Variants in DLG2 observed in about 807,000 individuals in gnomAD.
DLG2 encodes discs large MAGUK scaffold protein 2, also known as disks large homolog 2.
DLG2 carries 45 observed loss-of-function variants against 132.5 expected under a neutral mutation model. The observed-to-expected ratio is 0.34, with a 90% CI of 0.27 to 0.44. DLG2 has a LOEUF of 0.44. DLG2 is among the 20% of genes least tolerant of loss of function. The pLI is 1.00. For missense variants in DLG2, 1,045 were observed against 1,196.9 expected (o/e 0.87, Z 1.87); for synonymous variants, 424 against 419.6 (o/e 1.01, Z -0.13).
At chr11:84,884,984 C>G (rs1325876374) in intron 6 of DLG2, among the ~76,000 whole-genome samples, 1 of 152,004 alleles carries the variant, frequency 6.6e-6, no homozygotes, top group Non-Finnish European at 1.5e-5. Flanking sequence ...ATTGTCTGAT[C>G]CTGACATCTA....
At chr11:83,836,447 GCTCT>G (rs60486962) in intron 16 of DLG2, among the ~76,000 whole-genome samples, 2,636 of 152,064 alleles carry the variant, frequency 0.017, 81 homozygotes, top group African/African-American at 0.061. Flanking sequence ...TCACCCCATG[GCTCT>G]CTCTATCTTC....
intron 7 of DLG2, among the ~76,000 whole-genome samples, chr11:84,406,454 A>G (rs1263324032): frequency 6.6e-6 from 1 of 152,094 alleles, no homozygotes; most frequent in Non-Finnish European, 1.5e-5. Context: ...AAGTACCTGC[A>G]AGTACAGGTG....
chr11:83,494,119 G>A (rs746111805), intron 21 of DLG2, among the ~76,000 whole-genome samples: 6 of 151,852 alleles, frequency 4.0e-5, no homozygotes, highest in African/African-American at 4.8e-5. Flanking sequence ...CCACCTGGCC[G>A]CTGTGGATTA....
chr11:85,526,236 A>G lies in DLG2; in HGVS notation c.40+72421T>C, dbSNP rs1280848901. On this transcript the variant is annotated intron_variant, in intron 3 of 27. Coordinates refer to ENST00000376104, the MANE Select transcript of DLG2 (RefSeq NM_001142699.3). ...TGAAGTATCATGAAGAAAACTATAC[A>G]GAGCACTTCATAATTAAATTGCTTA... Among the ~76,000 whole-genome samples the G allele has an allele frequency of 4.6e-5, 7 of 152,264 alleles. No individual in the cohort carries two copies. The East Asian group carries it at 1.2e-3, about 25-fold the overall frequency.
chr11:85,614,582 G>C (rs1157665558), intron 2 of DLG2, among the ~76,000 whole-genome samples: 1 of 152,226 alleles, frequency 6.6e-6, no homozygotes, highest in Non-Finnish European at 1.5e-5. Context: ...AGAGGTTGCA[G>C]TAAGCCAAAA....
intron 6 of DLG2, among the ~76,000 whole-genome samples, chr11:84,807,308 T>A (rs1373887953): frequency 6.6e-6 from 1 of 152,066 alleles, no homozygotes; most frequent in East Asian, 1.9e-4. Flanking sequence ...TAGTCAGGCA[T>A]GGTGGTGGGT....
chr11:85,129,434 A>C (rs1253156841), intron 5 of DLG2, among the ~76,000 whole-genome samples: 3 of 152,192 alleles, frequency 2.0e-5, no homozygotes, highest in Non-Finnish European at 4.4e-5. Flanking sequence ...ATCCACAATC[A>C]TTTCCTTCCC....
At chr11:85,450,496 ATCT>A (rs2092199457) in intron 3 of DLG2, among the ~76,000 whole-genome samples, 1 of 152,134 alleles carries the variant, frequency 6.6e-6, no homozygotes, top group Non-Finnish European at 1.5e-5. Context: ...TTTCCAACTC[ATCT>A]TCTTTTTTGG....
At chr11:84,492,455 A>C (rs1430613504) in intron 7 of DLG2, among the ~76,000 whole-genome samples, 1 of 152,166 alleles carries the variant, frequency 6.6e-6, no homozygotes, top group Non-Finnish European at 1.5e-5. Context: ...AAAGTAGCAC[A>C]ATTAAGGACT....
intron 19 of DLG2, among the ~76,000 whole-genome samples, chr11:83,580,012 G>T (rs936115387): frequency 1.3e-5 from 2 of 151,758 alleles, no homozygotes; most frequent in Non-Finnish European, 2.9e-5. Flanking sequence ...AATAAATTTG[G>T]TCAGTATGTG....
chr11:83,463,493 C>T (rs2090437949), intron 26 of DLG2, among the ~76,000 whole-genome samples: 1 of 152,134 alleles, frequency 6.6e-6, no homozygotes, highest in Admixed American at 6.5e-5. Flanking sequence ...CTCCAGATGT[C>T]AAGAAATCAT....
intron 3 of DLG2, among the ~76,000 whole-genome samples, chr11:85,290,560 T>C (rs1374344712): frequency 6.6e-6 from 1 of 151,888 alleles, no homozygotes; most frequent in East Asian, 1.9e-4. Context: ...GGGAATAGGG[T>C]GAAAGATGCC....
chr11:83,676,422 A>G (rs189759121), intron 18 of DLG2, among the ~76,000 whole-genome samples: 24 of 152,294 alleles, frequency 1.6e-4, no homozygotes, highest in Admixed American at 1.0e-3. Context: ...AATCACCACT[A>G]TGAGTATATA....
At chr11:84,951,533 G>A (rs1201697487) in intron 6 of DLG2, among the ~76,000 whole-genome samples, 3 of 151,210 alleles carry the variant, frequency 2.0e-5, no homozygotes, top group East Asian at 1.9e-4. Context: ...AAATACCGAC[G>A]AGCATTAAAA....
chr11:85,103,076 T>A (rs577088284), intron 6 of DLG2, among the ~76,000 whole-genome samples: 1 of 152,026 alleles, frequency 6.6e-6, no homozygotes, highest in South Asian at 2.1e-4. Context: ...AGGGCAAAAC[T>A]TGTATTCCAA....
At chr11:85,257,528 C>A (rs2076730377) in intron 4 of DLG2, among the ~76,000 whole-genome samples, 1 of 152,072 alleles carries the variant, frequency 6.6e-6, no homozygotes, top group Non-Finnish European at 1.5e-5. Flanking sequence ...TCAGACTTTG[C>A]CATTGACAAC....
intron 4 of DLG2, among the ~76,000 whole-genome samples, chr11:85,251,923 C>A (rs2076415359): frequency 6.6e-6 from 1 of 151,978 alleles, no homozygotes; most frequent in African/African-American, 2.4e-5. Context: ...ATTTTATATT[C>A]TTTACATTAA....
At chr11:83,913,235 G>C (rs2076364643) in intron 15 of DLG2, among the ~76,000 whole-genome samples, 1 of 151,992 alleles carries the variant, frequency 6.6e-6, no homozygotes, top group Admixed American at 6.6e-5. Flanking sequence ...TGTTAGATTG[G>C]GAGTCTCTTC....
chr11:84,638,191 C>T (rs1321471318), intron 6 of DLG2, among the ~76,000 whole-genome samples: 1 of 152,188 alleles, frequency 6.6e-6, no homozygotes, highest in African/African-American at 2.4e-5. Context: ...TAAAAATGGA[C>T]AGAATATAAG....
Sources: allele counts gnomAD v4.1 joint callset (sites outside exome capture counted in the v4.1 genomes callset), GRCh38; gene constraint gnomAD v4.1.1; transcripts MANE v1.5; gene names NCBI Gene and HGNC (gene_info 2026-07-23, HGNC 2026-07-21).